Variants in PLA2G4C observed in about 807,000 individuals in gnomAD.
PLA2G4C encodes the protein phospholipase A2 group IVC.
A neutral mutation model predicts 73.8 loss-of-function variants in PLA2G4C; 64 were observed. That is an observed-to-expected ratio of 0.87 (90% CI 0.71 to 1.07). The LOEUF (loss-of-function observed/expected upper bound fraction) is 1.07, where lower values mean the gene tolerates loss of function less well. PLA2G4C is among the 50% of genes least tolerant of loss of function. The pLI, the probability that PLA2G4C is intolerant of heterozygous loss-of-function variation, is 0.00. For synonymous variants in PLA2G4C, 254 were observed against 252.1 expected (o/e 1.01, Z -0.07); for missense variants, 622 against 665.4 (o/e 0.93, Z 0.72).
chr19:48,071,432 A>T (rs1355071161), intron 12 of PLA2G4C, among the ~76,000 whole-genome samples: 2 of 152,124 alleles, frequency 1.3e-5, no homozygotes, highest in Non-Finnish European at 2.9e-5. Flanking sequence ...CTAGGATTAC[A>T]GGCATGTGCC....
chr19:48,110,752 C>G lies in PLA2G4C; in HGVS notation c.-298G>C, dbSNP rs1246191511. 2.3e-6 allele frequency: 1 copy of G among 430,494 alleles called. No homozygotes were observed. Among genetic ancestry groups the G allele is most frequent in the African/African-American group, 2.1e-5 (1 of 48,622 alleles). 26.7% of individuals were successfully genotyped at this position (430,494 alleles called of 1,614,324 possible). A position where few individuals can be genotyped will look rare whatever the true frequency, so the allele number is the denominator to read the frequency against. On this transcript the variant is annotated 5_prime_UTR_variant, in exon 1 of 17. Coordinates refer to ENST00000599921, the MANE Select transcript of PLA2G4C (RefSeq NM_003706.3). ...AGGGCCAACCTGGAGGTAAAATGGC[C>G]CCTGCGCCTTTAAACAGCCCTCCTC...
At chr19:48,063,850 T>C (rs1332823906) in intron 13 of PLA2G4C, 2 of 151,650 alleles carry the variant, frequency 1.3e-5, no homozygotes, top group African/African-American at 2.4e-5. Context: ...GGAGCCTTCA[T>C]CAGTTACTGG....
chr19:48,105,333 C>T lies in PLA2G4C; in HGVS notation c.120G>A (p.Glu40=), dbSNP rs747385637. The change falls in exon 3 of 17, where the codon GAG becomes GAA. Residue 40 remains glutamate (E), a splice_region_variant and synonymous_variant. Coordinates refer to ENST00000599921, the MANE Select transcript of PLA2G4C (RefSeq NM_003706.3). The part of the protein sequence containing the change: ...ALKKLRIEAD[E]APVVAVLGSG... The stretch of plus-strand genomic sequence containing the variant: ...GGGCCACCCTCCTCCCCTCACTTAC[C>T]TCATCAGCCTCAATCCTTAGCTTCT... 6.2e-7 allele frequency: 1 copy of T among 1,605,998 alleles called. No individual in the cohort carries two copies. The highest frequency in any genetic ancestry group is 8.5e-7 in the Non-Finnish European group (1 of 1,174,170).
intron 13 of PLA2G4C, chr19:48,064,638 C>G: frequency 6.6e-6 from 1 of 152,148 alleles, no homozygotes; most frequent in South Asian, 2.1e-4. Context: ...CCTGGGGATA[C>G]AGCCCAGCAA....
chr19:48,108,468 T>C (rs2032336932), intron 1 of PLA2G4C, among the ~76,000 whole-genome samples: 1 of 152,186 alleles, frequency 6.6e-6, no homozygotes, highest in South Asian at 2.1e-4. Context: ...ACGACAGTGA[T>C]ATTATTTATA....
At chr19:48,090,654 A>G (rs1196814632) in intron 7 of PLA2G4C, 2 of 513,420 alleles carry the variant, frequency 3.9e-6, no homozygotes, top group Non-Finnish European at 3.5e-6. Flanking sequence ...CGAACCTTCT[A>G]TGGGTGGAGC....
rs1353180076 is a variant in PLA2G4C at position 48,100,310 on chromosome 19, A to T, written c.258-450T>A. On this transcript the variant is annotated intron_variant, in intron 4 of 16. Transcript: ENST00000599921. Reference sequence around the variant, plus strand: ...GGCGGGAGGATTGCCTGAGGTCAGGAGTTCGAGACCAGCCTGGCCAACATG... The same window carrying T: ...GGCGGGAGGATTGCCTGAGGTCAGGTGTTCGAGACCAGCCTGGCCAACATG... Among the ~76,000 whole-genome samples the T allele has an allele frequency of 3.3e-5, 5 of 152,146 alleles. No individual in the cohort carries two copies. In the East Asian group the frequency reaches 9.6e-4, roughly 29 times the overall value.
intron 12 of PLA2G4C, among the ~76,000 whole-genome samples, chr19:48,068,743 A>G (rs1450449551): frequency 5.3e-5 from 8 of 151,656 alleles, no homozygotes; most frequent in East Asian, 1.9e-4. Flanking sequence ...AAAAAAAAAA[A>G]AAAAGAAAAA....
At chr19:48,074,181 G>A (rs899539433) in intron 12 of PLA2G4C, among the ~76,000 whole-genome samples, 2 of 150,558 alleles carry the variant, frequency 1.3e-5, no homozygotes, top group Non-Finnish European at 3.0e-5. Flanking sequence ...TCCCCTCCCT[G>A]CGTCCATGTG....
Position 48,110,565 on chromosome 19 carries a change from T to TTGGGCTCCGGGATCC in PLA2G4C, c.-112_-111insGGATCCCGGAGCCCA, listed in dbSNP as rs775053338. The TTGGGCTCCGGGATCC allele has an allele frequency of 2.6e-6, 1 of 391,630 alleles. No individual in the cohort carries two copies. The highest frequency in any genetic ancestry group is 3.3e-6 in the Non-Finnish European group (1 of 306,112). 24.3% of individuals were successfully genotyped at this position (391,630 alleles called of 1,614,324 possible). A position where few individuals can be genotyped will look rare whatever the true frequency, so the allele number is the denominator to read the frequency against. ...ATCCGGTGCGGAGGCTTGGGCTCCCTGCGCTTAGCGGTGTAGTCGCTGGAC... is the reference window on the plus strand; with the variant it reads ...ATCCGGTGCGGAGGCTTGGGCTCCCTTGGGCTCCGGGATCCGCGCTTAGCGGTGTAGTCGCTGGAC... On this transcript the variant is annotated 5_prime_UTR_variant, in exon 1 of 17. Transcript: ENST00000599921.
rs1174332835 is a variant in PLA2G4C, at chr19:48,053,364, C to CTTT, written c.1430-220_1430-218dup. Among the ~76,000 whole-genome samples the CTTT allele has an allele frequency of 4.1e-3, 417 of 100,558 alleles. 14 individuals are homozygous for CTTT. Among genetic ancestry groups the CTTT allele is most frequent in the African/African-American group, 0.013 (338 of 25,324 alleles). 66.0% of individuals were successfully genotyped at this position (100,558 alleles called of 152,430 possible). ...TCCATGCCCCTTCCGGTCCTTTTTT[C>CTTT]TTTTTTTTTTTTTTTTTTTTTTGAG... On this transcript the variant is annotated intron_variant, in intron 15 of 16. Transcript: ENST00000599921.
At chr19:48,064,810 C>G (rs1356970771) in intron 13 of PLA2G4C, 1 of 152,158 alleles carries the variant, frequency 6.6e-6, no homozygotes, top group Non-Finnish European at 1.5e-5. Context: ...GAGCAAAGAC[C>G]ATACGAGGAT....
chr19:48,082,496 C>CTTTCT (rs754484587), intron 10 of PLA2G4C, among the ~76,000 whole-genome samples: 1 of 106,280 alleles, frequency 9.4e-6, no homozygotes, highest in Non-Finnish European at 1.8e-5. Context: ...TTCTTTCTTT[C>CTTTCT]TTTTTTTTTT....
intron 12 of PLA2G4C, among the ~76,000 whole-genome samples, chr19:48,070,547 G>C (rs1199806483): frequency 6.6e-6 from 1 of 152,188 alleles, no homozygotes; most frequent in Non-Finnish European, 1.5e-5. Context: ...TATACACCAT[G>C]GAATACTATG....
chr19:48,059,333 A>G (rs902599514), intron 14 of PLA2G4C, among the ~76,000 whole-genome samples: 26 of 152,140 alleles, frequency 1.7e-4, no homozygotes, highest in African/African-American at 5.8e-4. Flanking sequence ...AAAAAGTTTC[A>G]TCTCATGCAA....
Position 48,105,396 on chromosome 19 carries a change from G to A in PLA2G4C, c.57C>T (p.Ala19=), listed in dbSNP as rs749663476. The part of the protein sequence containing the change: ...IPGLQKEEKA[A]VERRRLHVLK... ...GCACATGAAGTCTTCGTCTCTCCACGGCCGCCTTTTCTTCTTTCTGGAGCC... is the reference window on the plus strand; with the variant it reads ...GCACATGAAGTCTTCGTCTCTCCACAGCCGCCTTTTCTTCTTTCTGGAGCC... Residue 19 remains alanine (A), a synonymous_variant, in exon 3 of 17, where the codon GCC becomes GCT. Coordinates refer to ENST00000599921, the MANE Select transcript of PLA2G4C (RefSeq NM_003706.3). The A allele has an allele frequency of 6.8e-6, 11 of 1,613,876 alleles. No individual in the cohort carries two copies. The highest frequency in any genetic ancestry group is 1.1e-5 in the South Asian group (1 of 91,066).
intron 4 of PLA2G4C, among the ~76,000 whole-genome samples, chr19:48,103,670 A>G (rs1349662653): frequency 6.6e-6 from 1 of 152,230 alleles, no homozygotes; most frequent in Non-Finnish European, 1.5e-5. Flanking sequence ...TGAATGAGAC[A>G]GTCCTACACG....
intron 4 of PLA2G4C, among the ~76,000 whole-genome samples, chr19:48,101,552 T>G (rs1280084103): frequency 6.6e-6 from 1 of 152,200 alleles, no homozygotes; most frequent in African/African-American, 2.4e-5. Context: ...GCTAGCATGA[T>G]TTAAAATATT....
In PLA2G4C at chr19:48,085,142, C is replaced by T. The variant is rs1388680390; in HGVS notation, c.791-30G>A. ...CAAGAAAATAGCAATAAAATTCAAACATTCTCCATCACATGACTGTCATGT... is the reference window on the plus strand; with the variant it reads ...CAAGAAAATAGCAATAAAATTCAAATATTCTCCATCACATGACTGTCATGT... On this transcript the variant is annotated intron_variant, in intron 9 of 16. Coordinates refer to ENST00000599921, the MANE Select transcript of PLA2G4C (RefSeq NM_003706.3). 2.6e-6 allele frequency: 4 copies of T among 1,510,976 alleles called. No individual in the cohort carries two copies. In the East Asian group the frequency reaches 6.8e-5, roughly 25 times the overall value. 93.6% of individuals were successfully genotyped at this position (1,510,976 alleles called of 1,614,324 possible).
Sources: gnomAD v4.1 joint callset for allele counts (sites outside exome capture counted in the v4.1 genomes callset) on GRCh38, gnomAD v4.1.1 for gene constraint, MANE v1.5 for transcripts, NCBI Gene and HGNC (gene_info 2026-07-23, HGNC 2026-07-21) for gene names.